SGK1: variants seen among roughly 807,000 people sequenced by gnomAD.
SGK1 encodes serum/glucocorticoid regulated kinase 1, also known as serine/threonine-protein kinase Sgk1.
Under a neutral mutation model 64.2 loss-of-function variants are expected in SGK1, and 26 were observed. The observed-to-expected ratio is 0.40, with a 90% CI of 0.30 to 0.56. The LOEUF is 0.56. Ranked by LOEUF, SGK1 falls within the 20% of genes least tolerant of loss-of-function variation. The pLI is 0.38. For missense variants in SGK1, 519 were observed against 645.6 expected (o/e 0.80, Z 2.12); for synonymous variants, 265 against 239.7 (o/e 1.11, Z -0.98).
chr6:134,301,444 T>C (rs1318264304), intron 1 of SGK1, among the ~76,000 whole-genome samples: 2 of 151,964 alleles, frequency 1.3e-5, no homozygotes, highest in Non-Finnish European at 2.9e-5. Context: ...GAGGCTGGAG[T>C]GCTGGGCCAC....
At position 134,262,057 on chromosome 6, in the gene SGK1, G is replaced by T. The variant is rs1447394057; in HGVS notation, c.161C>A (p.Pro54His). Residue 54 changes from proline (P) to histidine (H), a missense_variant, in exon 2 of 14, where the codon CCT becomes CAT. This residue lies in a region of SGK1 where 241 missense variants were observed against 236.9 expected (regional missense o/e 1.02). Coordinates refer to ENST00000367858, the MANE Select transcript of SGK1 (RefSeq NM_001143676.3). ...AGACTCGAAGTCTGGCTCCCCTGGA[G>T]GGATGTGCACCATGGAGGAGCCGGT... Reference protein sequence around the residue: ...KYTGSSMVHIPPGEPDFESSL... With the variant: ...KYTGSSMVHIHPGEPDFESSL... 6.2e-7 allele frequency: 1 copy of T among 1,613,952 alleles called. No individual in the cohort carries two copies. The highest frequency in any genetic ancestry group is 1.7e-5 in the Admixed American group (1 of 60,024).
intron 1 of SGK1, among the ~76,000 whole-genome samples, chr6:134,263,984 T>G (rs79488142): frequency 0.017 from 2,536 of 152,200 alleles, 73 homozygotes; most frequent in African/African-American, 0.057. Flanking sequence ...CTATTTTCAA[T>G]CCCATTATAC....
intron 3 of SGK1, among the ~76,000 whole-genome samples, chr6:134,196,220 A>AGGAT (rs1775591966): frequency 6.6e-6 from 1 of 152,050 alleles, no homozygotes; most frequent in Non-Finnish European, 1.5e-5. Context: ...GTGAGGCGGG[A>AGGAT]GGATCACTTA....
At chr6:134,316,262 A>G (rs1445091620) in intron 1 of SGK1, among the ~76,000 whole-genome samples, 1 of 152,234 alleles carries the variant, frequency 6.6e-6, no homozygotes, top group Non-Finnish European at 1.5e-5. Context: ...GAGATAGTCC[A>G]GCCCACCCTG....
chr6:134,182,471 G>A (rs975600040), intron 3 of SGK1, among the ~76,000 whole-genome samples: 2 of 151,328 alleles, frequency 1.3e-5, no homozygotes, highest in East Asian at 2.0e-4. Context: ...ACTCCAGCCC[G>A]GGCAACACAG....
chr6:134,263,826 C>T (rs962924278), intron 1 of SGK1, among the ~76,000 whole-genome samples: 75 of 152,206 alleles, frequency 4.9e-4, no homozygotes, highest in African/African-American at 1.7e-3. Context: ...CTTTGGGAGG[C>T]TAAGGCAGGC....
intron 2 of SGK1, among the ~76,000 whole-genome samples, chr6:134,239,684 G>A (rs1388883594): frequency 6.6e-6 from 1 of 152,168 alleles, no homozygotes; most frequent in African/African-American, 2.4e-5. Flanking sequence ...TTGCTTGATG[G>A]CATTGGATCA....
At chr6:134,171,889 G>T in intron 10 of SGK1, 157 bp from the exon 11 acceptor site, 1 of 631,568 alleles carries the variant, frequency 1.6e-6, no homozygotes. Flanking sequence ...CTTTTTGAGG[G>T]TGACTGGCTA....
intron 1 of SGK1, among the ~76,000 whole-genome samples, chr6:134,304,844 T>C (rs1416973967): frequency 1.3e-5 from 2 of 152,212 alleles, no homozygotes; most frequent in African/African-American, 4.8e-5. Context: ...AGAAGTTATT[T>C]CTAAAGATTT....
chr6:134,218,972 G>A (rs186121351), intron 2 of SGK1, among the ~76,000 whole-genome samples: 1 of 151,666 alleles, frequency 6.6e-6, no homozygotes, highest in Non-Finnish European at 1.5e-5. Context: ...TACTAAAATG[G>A]CTGTTTTTTT....
chr6:134,213,928 C>G (rs1021875238), intron 2 of SGK1, among the ~76,000 whole-genome samples: 1 of 152,074 alleles, frequency 6.6e-6, no homozygotes. Flanking sequence ...GCATACACAA[C>G]AGTAAACTGT....
rs753007077 is a variant in SGK1 at position 134,172,214 on chromosome 6, G to A, written c.1050C>T (p.Ser350=). ...CTACCTCCGGCGTGCCACAGAAGGT[G>A]GATGTTGTGCTGTTGTGTTCAATGT... ...KENIEHNSTT[S]TFCGTPEYLA... The change falls in exon 10 of 14, where the codon TCC becomes TCT. Residue 350 remains serine (S), a synonymous_variant. Coordinates refer to ENST00000367858, the MANE Select transcript of SGK1 (RefSeq NM_001143676.3). 1.2e-5 allele frequency: 19 copies of A among 1,614,192 alleles called. No individual in the cohort carries two copies. The highest frequency in any genetic ancestry group is 1.6e-5 in the Non-Finnish European group (19 of 1,180,012).
At chr6:134,241,841 C>T (rs1259319882) in intron 2 of SGK1, among the ~76,000 whole-genome samples, 1 of 150,942 alleles carries the variant, frequency 6.6e-6, no homozygotes, top group African/African-American at 2.4e-5. Context: ...AGGATGGTCT[C>T]GATCTCCTGA....
At chr6:134,236,244 A>G (rs1220001001) in intron 2 of SGK1, among the ~76,000 whole-genome samples, 1 of 152,192 alleles carries the variant, frequency 6.6e-6, no homozygotes, top group Non-Finnish European at 1.5e-5. Context: ...ACTCAGTACT[A>G]ACACATTTTA....
intron 1 of SGK1, among the ~76,000 whole-genome samples, chr6:134,299,564 A>G (rs1284227831): frequency 6.6e-6 from 1 of 152,140 alleles, no homozygotes; most frequent in Non-Finnish European, 1.5e-5. Flanking sequence ...AGGTATGCTG[A>G]TGTGTGCAGA....
intron 3 of SGK1, among the ~76,000 whole-genome samples, chr6:134,202,032 A>C (rs1352286341): frequency 6.6e-6 from 1 of 152,170 alleles, no homozygotes. Context: ...TATAGATTCT[A>C]CTCTAGGCAC....
At chr6:134,297,829 C>A in intron 1 of SGK1, 1 of 700,846 alleles carries the variant, frequency 1.4e-6, no homozygotes. Flanking sequence ...TGCTGCAGGT[C>A]ATCCCCGTGC....
intron 2 of SGK1, among the ~76,000 whole-genome samples, chr6:134,232,969 T>A (rs993862079): frequency 6.6e-6 from 1 of 150,788 alleles, no homozygotes; most frequent in East Asian, 2.0e-4. Flanking sequence ...ATTTCTTCAA[T>A]TTTTAATAAT....
intron 3 of SGK1, among the ~76,000 whole-genome samples, chr6:134,191,829 C>T (rs1422517939): frequency 3.8e-4 from 12 of 31,430 alleles, no homozygotes; most frequent in African/African-American, 1.2e-3. Flanking sequence ...CCACCACGCC[C>T]GGCTGATTTT....
Sources: allele counts gnomAD v4.1 joint callset (sites outside exome capture counted in the v4.1 genomes callset), GRCh38; gene constraint gnomAD v4.1.1; regional missense constraint gnomAD v4.1.1; transcripts MANE v1.5; gene names NCBI Gene and HGNC (gene_info 2026-07-23, HGNC 2026-07-21).